Variants in USP42 observed in about 807,000 individuals in gnomAD.
The protein encoded by USP42 is ubiquitin specific peptidase 42.
Under a neutral mutation model 113.0 loss-of-function variants are expected in USP42, and 23 were observed. The ratio of observed to expected loss-of-function variants is 0.20; its 90% confidence interval spans 0.15 to 0.29. The LOEUF (loss-of-function observed/expected upper bound fraction) is 0.29. USP42 is among the 10% of genes least tolerant of loss of function. The probability of loss-of-function intolerance (pLI) is 1.00; values close to 1 mark genes in which losing one functional copy is unlikely to be tolerated. For synonymous variants in USP42, 933 were observed against 699.0 expected (o/e 1.33, Z -5.28); for missense variants, 2,174 against 1,779.8 (o/e 1.22, Z -3.99).
Position 6,139,300 on chromosome 7 carries a change from G to C in USP42, c.656+106G>C, listed in dbSNP as rs6973832. 1.3e-5 allele frequency: 11 copies of C among 866,080 alleles called. No individual in the cohort carries two copies. The African/African-American group carries it at 1.9e-4, about 15-fold the overall frequency. 53.6% of individuals were successfully genotyped at this position (866,080 alleles called of 1,614,324 possible). A position where few individuals can be genotyped will look rare whatever the true frequency, so the allele number is the denominator to read the frequency against. The stretch of plus-strand genomic sequence containing the variant: ...TTTTTTGTTGGAAGCACACAGAACA[G>C]TGTTCACTTTACCTTTTGGCTTTGC... On this transcript the variant is annotated intron_variant, in intron 5 of 17. Transcript: ENST00000306177. The surrounding 1 kb of genome is among the most constrained non-coding windows in gnomAD (Gnocchi z 4.5).
At chr7:6,114,488 C>G (rs796467919) in intron 2 of USP42, among the ~76,000 whole-genome samples, 145 of 151,594 alleles carry the variant, frequency 9.6e-4, no homozygotes, top group African/African-American at 3.4e-3. Context: ...AATACTTCAT[C>G]TTTCACTTGT....
upstream of USP42, among the ~76,000 whole-genome samples, chr7:6,102,756 A>G (rs1458957099): frequency 6.6e-6 from 1 of 150,842 alleles, no homozygotes; most frequent in Non-Finnish European, 1.5e-5. Context: ...AACACATAAA[A>G]GAGGAAAGGG....
intron 1 of USP42, among the ~76,000 whole-genome samples, chr7:6,106,716 C>T (rs1328190737): frequency 1.3e-5 from 2 of 151,646 alleles, no homozygotes; most frequent in Non-Finnish European, 2.9e-5. Context: ...AGGCACATGC[C>T]ACCACACCCA....
chr7:6,084,122 G>T, the USP42 span, among the ~76,000 whole-genome samples: 2 of 151,272 alleles, frequency 1.3e-5, no homozygotes, highest in Admixed American at 6.6e-5. Flanking sequence ...CGCCTCTCGG[G>T]TTCAAGTGAT....
At chr7:6,146,993 G>A (rs1246401429) in intron 11 of USP42, among the ~76,000 whole-genome samples, 1 of 152,236 alleles carries the variant, frequency 6.6e-6, no homozygotes, top group Non-Finnish European at 1.5e-5. Context: ...TCCTGTTGTG[G>A]CTGCATACGC....
intron 1 of USP42, 28 bp from the exon 2 acceptor site, chr7:6,111,097 A>T (rs745611614): frequency 1.9e-6 from 3 of 1,590,834 alleles, no homozygotes; most frequent in African/African-American, 2.7e-5. Context: ...ACCTGATGAA[A>T]CAAATACATA....
At chr7:6,115,230 C>G in intron 2 of USP42, 93 bp from the exon 3 acceptor site, 2 of 1,277,296 alleles carry the variant, frequency 1.6e-6, no homozygotes, top group South Asian at 1.3e-5. Context: ...GATTTCGGAT[C>G]TTGTAAAGAT....
Position 6,158,129 on chromosome 7 carries a change from C to T in USP42, c.3943+1074C>T, listed in dbSNP as rs941915742. On this transcript the variant is annotated intron_variant, in intron 16 of 17. Coordinates refer to ENST00000306177, the MANE Select transcript of USP42 (RefSeq NM_032172.3). This position sits in a 1 kb window ranked among gnomAD's most constrained non-coding sequence, Gnocchi z 4.2. ...AGTGGTTGGAAATAATCCCAAAGAACAATGCGTTTCACATGAAAATGATGT... is the reference window on the plus strand; with the variant it reads ...AGTGGTTGGAAATAATCCCAAAGAATAATGCGTTTCACATGAAAATGATGT... 1.3e-5 allele frequency among the ~76,000 whole-genome samples: 2 copies of T among 152,196 alleles called. No individual in the cohort carries two copies. Among genetic ancestry groups the T allele is most frequent in the African/African-American group, 4.8e-5 (2 of 41,452 alleles).
At chr7:6,113,345 A>G (rs773563237) in intron 2 of USP42, among the ~76,000 whole-genome samples, 91 of 152,174 alleles carry the variant, frequency 6.0e-4, no homozygotes, top group Non-Finnish European at 1.1e-3. Context: ...CTCCAGCAGG[A>G]CTTTCCCACA....
intron 14 of USP42, among the ~76,000 whole-genome samples, chr7:6,152,468 C>T (rs1044382489): frequency 6.6e-6 from 1 of 152,224 alleles, no homozygotes; most frequent in South Asian, 2.1e-4. Context: ...GCTGGCGGGG[C>T]TCCCATCACT....
chr7:6,096,314 T>C, the USP42 span, among the ~76,000 whole-genome samples: 2 of 151,200 alleles, frequency 1.3e-5, no homozygotes, highest in Non-Finnish European at 2.9e-5. Context: ...ACTGGGAGTA[T>C]TCTCCAAAGC....
At chr7:6,090,577 C>T in the USP42 span, among the ~76,000 whole-genome samples, 8 of 142,188 alleles carry the variant, frequency 5.6e-5, no homozygotes, top group Admixed American at 5.7e-4. Context: ...TAGTTGGGCA[C>T]GGTTGTGCAT....
In USP42 at chr7:6,115,538, TTG is replaced by T. The variant is rs751479428; in HGVS notation, c.442+19_442+20del. On this transcript the variant is annotated intron_variant, in intron 3 of 17. Coordinates refer to ENST00000306177, the MANE Select transcript of USP42 (RefSeq NM_032172.3). ...CTCCAAAACATGTAAGTGTTCCGTG[TTG>T]TGTTTGTAGTATTGTAGTGCGCTAA... 6.2e-7 allele frequency: 1 copy of T among 1,613,698 alleles called. No homozygotes were observed. Among genetic ancestry groups the T allele is most frequent in the Admixed American group, 1.7e-5 (1 of 59,972 alleles).
At chr7:6,119,328 T>C (rs1201174490) in intron 3 of USP42, among the ~76,000 whole-genome samples, 3 of 152,076 alleles carry the variant, frequency 2.0e-5, no homozygotes, top group African/African-American at 7.2e-5. Context: ...AAAAAAATTC[T>C]CTGGGTGTGG....
chr7:6,140,012 G>T (rs1403392511), intron 5 of USP42, 116 bp from the exon 6 acceptor site: 1 of 982,056 alleles, frequency 1.0e-6, no homozygotes, highest in Non-Finnish European at 1.6e-6. Flanking sequence ...TATTTTCCAT[G>T]GCTGTCCTGT....
intron 2 of USP42, 133 bp from the exon 3 acceptor site, chr7:6,115,190 C>A: frequency 1.2e-6 from 1 of 813,894 alleles, no homozygotes; most frequent in Non-Finnish European, 1.9e-6. Flanking sequence ...TGTCCCTCTT[C>A]CCCCTGTATT....
chr7:6,156,591 A>G (rs1020923634), intron 15 of USP42, among the ~76,000 whole-genome samples, 163 bp from the exon 16 acceptor site: 3 of 151,978 alleles, frequency 2.0e-5, no homozygotes, highest in Non-Finnish European at 4.4e-5. Flanking sequence ...CTGGGACTAC[A>G]GGTGTGCGCC....
At position 6,139,329 on chromosome 7, in the gene USP42, G is replaced by T; in HGVS notation, c.656+135G>T. On this transcript the variant is annotated intron_variant, in intron 5 of 17. Coordinates refer to ENST00000306177, the MANE Select transcript of USP42 (RefSeq NM_032172.3). The surrounding 1 kb of genome is among the most constrained non-coding windows in gnomAD (Gnocchi z 4.5). ...TCACTTTACCTTTTGGCTTTGCTCT[G>T]CCTCTTCCTTAGGTGATGTGCATTA... 3.2e-6 allele frequency: 2 copies of T among 622,938 alleles called. No individual in the cohort carries two copies. The highest frequency in any genetic ancestry group is 5.3e-6 in the Non-Finnish European group (2 of 380,630). 38.6% of individuals were successfully genotyped at this position (622,938 alleles called of 1,614,324 possible). A position where few individuals can be genotyped will look rare whatever the true frequency, so the allele number is the denominator to read the frequency against.
At chr7:6,107,929 C>T (rs1779382032) in intron 1 of USP42, among the ~76,000 whole-genome samples, 1 of 151,960 alleles carries the variant, frequency 6.6e-6, no homozygotes, top group African/African-American at 2.4e-5. Flanking sequence ...TACTTGAGTT[C>T]AGAAACTTTA....
Sources: allele counts gnomAD v4.1 joint callset (sites outside exome capture counted in the v4.1 genomes callset), GRCh38; gene constraint gnomAD v4.1.1; non-coding constraint Gnocchi (gnomAD v3.1); transcripts MANE v1.5; gene names NCBI Gene and HGNC (gene_info 2026-07-23, HGNC 2026-07-21).